Variants in RSU1 observed in about 807,000 individuals in gnomAD.
RSU1 encodes the protein Ras suppressor protein 1.
In RSU1, 26 loss-of-function variants were observed where a neutral mutation model predicts 31.1. The observed-to-expected ratio is 0.84, with a 90% CI of 0.61 to 1.16. RSU1 has a LOEUF of 1.16. Among genes scored for constraint, RSU1 ranks in the 50% most tolerant of loss-of-function variants. RSU1 has a pLI of 0.00. For missense variants in RSU1, 320 were observed against 339.1 expected (o/e 0.94, Z 0.44); for synonymous variants, 164 against 136.3 (o/e 1.20, Z -1.41).
At chr10:16,807,446 T>G (rs1433447627) in intron 2 of RSU1, among the ~76,000 whole-genome samples, 2 of 152,186 alleles carry the variant, frequency 1.3e-5, no homozygotes, top group African/African-American at 2.4e-5. Context: ...GCCCCATACT[T>G]TGTAGTGTTT....
intron 8 of RSU1, among the ~76,000 whole-genome samples, chr10:16,632,461 TA>T (rs1257448467): frequency 6.6e-6 from 1 of 151,868 alleles, no homozygotes. Context: ...AGAGACCTTT[TA>T]AAAAAAAGCT....
chr10:16,744,758 T>C (rs890268048), intron 7 of RSU1, among the ~76,000 whole-genome samples: 5 of 152,122 alleles, frequency 3.3e-5, no homozygotes, highest in African/African-American at 9.7e-5. Context: ...CTTGGAAAAT[T>C]GCTTGTAATT....
intron 8 of RSU1, among the ~76,000 whole-genome samples, chr10:16,595,696 A>G (rs978325609): frequency 1.6e-4 from 24 of 152,254 alleles, no homozygotes; most frequent in African/African-American, 5.5e-4. Flanking sequence ...CCACAGAAGA[A>G]GAAACAACTC....
chr10:16,784,979 T>G (rs764874503), intron 2 of RSU1, among the ~76,000 whole-genome samples: 2 of 152,180 alleles, frequency 1.3e-5, no homozygotes, highest in African/African-American at 2.4e-5. Context: ...ATGAGAACTC[T>G]ATCACTATAC....
chr10:16,802,010 C>A (rs1838165806), intron 2 of RSU1, among the ~76,000 whole-genome samples: 1 of 151,842 alleles, frequency 6.6e-6, no homozygotes, highest in South Asian at 2.1e-4. Flanking sequence ...ATCTAAACTT[C>A]TACCCTAGAA....
In RSU1 at chr10:16,646,001, T is replaced by TAG. The variant is rs1564298541; in HGVS notation, c.731+49021_731+49022insCT. 1.6e-4 allele frequency among the ~76,000 whole-genome samples: 15 copies of TAG among 92,492 alleles called. 3 individuals carry two copies. The highest frequency in any genetic ancestry group is 8.5e-4 in the African/African-American group (15 of 17,742). 60.7% of individuals were successfully genotyped at this position (92,492 alleles called of 152,430 possible). On this transcript the variant is annotated intron_variant, in intron 8 of 8. Transcript: ENST00000345264. ...GTGTATATACATATATGTGTATATA[T>TAG]ATGTGTATATACATATATGTGTATA...
intron 8 of RSU1, among the ~76,000 whole-genome samples, chr10:16,666,440 T>C (rs945553288): frequency 6.6e-6 from 1 of 152,218 alleles, no homozygotes; most frequent in Non-Finnish European, 1.5e-5. Flanking sequence ...TGAAGATACT[T>C]ACTTTAGACT....
chr10:16,768,140 G>A (rs960553830), intron 3 of RSU1, among the ~76,000 whole-genome samples: 3 of 152,142 alleles, frequency 2.0e-5, no homozygotes, highest in African/African-American at 7.2e-5. Context: ...GACCCCAGCT[G>A]ACCTATGACA....
intron 8 of RSU1, among the ~76,000 whole-genome samples, chr10:16,675,409 C>T (rs538635020): frequency 6.6e-6 from 1 of 152,112 alleles, no homozygotes; most frequent in Non-Finnish European, 1.5e-5. Context: ...GTGGCCCACA[C>T]TTCTTTTTTT....
intron 4 of RSU1, among the ~76,000 whole-genome samples, chr10:16,757,735 C>T (rs996692556): frequency 2.6e-5 from 4 of 152,172 alleles, no homozygotes; most frequent in East Asian, 1.9e-4. Context: ...AAAGCTGCTC[C>T]AGACCCTTGG....
chr10:16,814,455 A>AT (rs1838481437), intron 2 of RSU1, among the ~76,000 whole-genome samples: 2 of 144,152 alleles, frequency 1.4e-5, no homozygotes, highest in African/African-American at 2.7e-5. Context: ...TTTCAGGAAA[A>AT]AAAAAAAAAA....
chr10:16,707,697 C>T (rs532822439), intron 7 of RSU1, among the ~76,000 whole-genome samples: 2 of 151,900 alleles, frequency 1.3e-5, no homozygotes, highest in East Asian at 3.9e-4. Flanking sequence ...GCTTCCTTTG[C>T]TGTGCAAAAG....
chr10:16,592,336 C>G lies in RSU1; in HGVS notation c.*1058G>C, dbSNP rs1833521101. 1 of 152,152 alleles carries G rather than the reference C, an allele frequency of 6.6e-6. No individual in the cohort carries two copies. Among genetic ancestry groups the G allele is most frequent in the Non-Finnish European group, 1.5e-5 (1 of 68,028 alleles). 9.4% of individuals were successfully genotyped at this position (152,152 alleles called of 1,614,324 possible). A position where few individuals can be genotyped will look rare whatever the true frequency, so the allele number is the denominator to read the frequency against. ...GACAGCCCTTTCAGTGAGCACAAAA[C>G]CTCAGCTTGCATTTATTTTGATTTT... On this transcript the variant is annotated 3_prime_UTR_variant, in exon 9 of 9. Coordinates refer to ENST00000345264, the MANE Select transcript of RSU1 (RefSeq NM_012425.4).
intron 8 of RSU1, among the ~76,000 whole-genome samples, chr10:16,667,052 A>G (rs1248284423): frequency 1.3e-5 from 2 of 151,844 alleles, no homozygotes; most frequent in Non-Finnish European, 2.9e-5. Context: ...AACAACAACA[A>G]CAAAAAACAA....
intron 8 of RSU1, among the ~76,000 whole-genome samples, chr10:16,675,706 AG>A (rs1460649754): frequency 1.3e-5 from 2 of 152,254 alleles, no homozygotes; most frequent in African/African-American, 2.4e-5. Context: ...AATGTAAAAA[AG>A]ATAGAAGTAA....
rs749786618 is a variant in RSU1 at position 16,754,925 on chromosome 10, A to C, written c.346T>G (p.Leu116Val). The C allele has an allele frequency of 3.7e-6, 6 of 1,613,610 alleles. No homozygotes were observed. The highest frequency in any genetic ancestry group is 4.2e-6 in the Non-Finnish European group (5 of 1,179,772). ...TTTTCGCTCAAGTTGTTGTACGTCA[A>C]GTCCAGAACCTCAAGAGCTGGCAGG... ...GSLPALEVLD[L>V]TYNNLSENSL... Residue 116 changes from leucine (L) to valine (V), a missense_variant, in exon 5 of 9, where the codon TTG becomes GTG. Coordinates refer to ENST00000345264, the MANE Select transcript of RSU1 (RefSeq NM_012425.4).
At chr10:16,705,107 C>T (rs1835869666) in intron 7 of RSU1, among the ~76,000 whole-genome samples, 2 of 152,212 alleles carry the variant, frequency 1.3e-5, no homozygotes, top group African/African-American at 2.4e-5. Flanking sequence ...ATCTCATATA[C>T]ATGGAATAAC....
chr10:16,743,766 T>C (rs1218848427), intron 7 of RSU1, among the ~76,000 whole-genome samples: 1 of 152,176 alleles, frequency 6.6e-6, no homozygotes, highest in Non-Finnish European at 1.5e-5. Flanking sequence ...ATTAACTTTT[T>C]TATTATGTAT....
At chr10:16,759,922 C>T (rs1837174426) in intron 4 of RSU1, among the ~76,000 whole-genome samples, 1 of 152,096 alleles carries the variant, frequency 6.6e-6, no homozygotes, top group Non-Finnish European at 1.5e-5. Flanking sequence ...TTTGTGATCT[C>T]CTGTGTGTAT....
Sources: allele counts gnomAD v4.1 joint callset (sites outside exome capture counted in the v4.1 genomes callset), GRCh38; gene constraint gnomAD v4.1.1; transcripts MANE v1.5; gene names NCBI Gene and HGNC (gene_info 2026-07-23, HGNC 2026-07-21).